Variants in PAK2 observed in about 807,000 individuals in gnomAD.
The protein encoded by PAK2 is p21 (RAC1) activated kinase 2.
PAK2 carries 21 observed loss-of-function variants against 65.9 expected under a neutral mutation model. That is an observed-to-expected ratio of 0.32 (90% CI 0.23 to 0.46). The LOEUF (loss-of-function observed/expected upper bound fraction) is 0.46. Among genes scored for constraint, PAK2 ranks in the 20% least tolerant of loss-of-function variants. The probability of loss-of-function intolerance (pLI) is 1.00; values close to 1 mark genes in which losing one functional copy is unlikely to be tolerated. For synonymous variants in PAK2, 204 were observed against 219.7 expected, an observed-to-expected ratio of 0.93 and a Z score of 0.63; for missense variants, 324 against 642.6, an observed-to-expected ratio of 0.50 and a Z score of 5.36.
At chr3:196,814,939 G>A (rs974622583) in intron 11 of PAK2, among the ~76,000 whole-genome samples, 2 of 151,924 alleles carry the variant, frequency 1.3e-5, no homozygotes, top group African/African-American at 4.8e-5. Flanking sequence ...CAGCACTTTG[G>A]GAGGCCGAGG....
chr3:196,765,576 G>A (rs1039215590), intron 1 of PAK2, among the ~76,000 whole-genome samples: 1 of 152,110 alleles, frequency 6.6e-6, no homozygotes, highest in Admixed American at 6.6e-5. Context: ...CAATGTAGAA[G>A]GTGTAAAATG....
chr3:196,758,108 C>T (rs1248884042), intron 1 of PAK2, among the ~76,000 whole-genome samples: 2 of 152,202 alleles, frequency 1.3e-5, no homozygotes, highest in East Asian at 3.8e-4. Flanking sequence ...AATGACTCAT[C>T]ACCTACTCTG....
chr3:196,776,934 A>G (rs984610781), intron 1 of PAK2, among the ~76,000 whole-genome samples: 2 of 152,222 alleles, frequency 1.3e-5, no homozygotes, highest in African/African-American at 4.8e-5. Flanking sequence ...CTCCGTTTTC[A>G]GGTGGGTATC....
At chr3:196,755,822 C>G (rs946544737) in intron 1 of PAK2, among the ~76,000 whole-genome samples, 3 of 151,772 alleles carry the variant, frequency 2.0e-5, no homozygotes, top group African/African-American at 4.8e-5. Context: ...GCGGCATGAT[C>G]TTGGCTCACT....
intron 1 of PAK2, among the ~76,000 whole-genome samples, chr3:196,754,318 T>G (rs888319241): frequency 1.3e-5 from 2 of 152,212 alleles, no homozygotes; most frequent in Non-Finnish European, 2.9e-5. Context: ...ACTGCCTACT[T>G]ACCATTGAAC....
intron 7 of PAK2, among the ~76,000 whole-genome samples, chr3:196,809,075 C>CA (rs921598933): frequency 5.1e-4 from 71 of 138,252 alleles, no homozygotes; most frequent in African/African-American, 1.4e-3. Context: ...TCCACCCCCT[C>CA]AAAAAAAAAA....
At position 196,791,720 on chromosome 3, in the gene PAK2, C is replaced by T. The variant is rs2108748442; in HGVS notation, c.187+8887C>T. Among the ~76,000 whole-genome samples the T allele has an allele frequency of 6.6e-6, 1 of 151,992 alleles. No homozygotes were observed. Among genetic ancestry groups the T allele is most frequent in the East Asian group, 1.9e-4 (1 of 5,172 alleles). On this transcript the variant is annotated intron_variant, in intron 2 of 14. Transcript: ENST00000327134. This position sits in a 1 kb window ranked among gnomAD's most constrained non-coding sequence, Gnocchi z 4.0. ...CAGGTGGATCACGAGGTCAGGAGAT[C>T]AAGACCATCCTGGCTAACAAGGTGA...
chr3:196,821,642 C>T (rs972413103), intron 13 of PAK2, among the ~76,000 whole-genome samples: 2 of 150,774 alleles, frequency 1.3e-5, no homozygotes, highest in East Asian at 2.0e-4. Flanking sequence ...GAGATCATGC[C>T]ATCGCACTCC....
rs1714355539 is a variant in PAK2, at chr3:196,771,397, G to A, written c.-21-11229G>A. On this transcript the variant is annotated intron_variant, in intron 1 of 14. Transcript: ENST00000327134. ...GTAGATAATTTTCTATCCTGCTTTT[G>A]ATTCATTAGACTTCTACTTACAGAT... Among the ~76,000 whole-genome samples, 3 of 151,856 alleles carry A rather than the reference G, an allele frequency of 2.0e-5. No homozygotes were observed. The South Asian group carries it at 6.2e-4, about 32-fold the overall frequency.
At position 196,827,325 on chromosome 3, in the gene PAK2, T is replaced by G; in HGVS notation, c.1480T>G (p.Leu494Val). 6.2e-7 allele frequency: 1 copy of G among 1,600,504 alleles called. No homozygotes were observed. Among genetic ancestry groups the G allele is most frequent in the Non-Finnish European group, 8.5e-7 (1 of 1,176,394 alleles). The change falls in exon 14 of 15, where the codon TTA becomes GTA. Residue 494 changes from leucine to valine, a missense_variant. By Grantham distance (32) the Leu-to-Val change is conservative (BLOSUM62 1). Coordinates refer to ENST00000327134, the MANE Select transcript of PAK2 (RefSeq NM_002577.4). ...DVEKRGSAKELLQHPFLKLAK... is the reference protein window; with the variant it reads ...DVEKRGSAKEVLQHPFLKLAK... Reference sequence around the variant, plus strand: ...GGAAAAAAGGGGTTCAGCCAAAGAATTATTACAGGTAAATTTAAAAATGAT... The same window carrying G: ...GGAAAAAAGGGGTTCAGCCAAAGAAGTATTACAGGTAAATTTAAAAATGAT...
At chr3:196,742,722 G>C (rs952452206) in intron 1 of PAK2, among the ~76,000 whole-genome samples, 2 of 152,104 alleles carry the variant, frequency 1.3e-5, no homozygotes, top group African/African-American at 4.8e-5. Flanking sequence ...AGACCATCCT[G>C]GCTAACACAG....
intron 2 of PAK2, among the ~76,000 whole-genome samples, chr3:196,790,573 T>C (rs555502722): frequency 6.6e-6 from 1 of 152,140 alleles, no homozygotes; most frequent in Non-Finnish European, 1.5e-5. Context: ...ATGAACAGAT[T>C]TCAGATTTCT....
intron 1 of PAK2, among the ~76,000 whole-genome samples, chr3:196,742,104 T>TC (rs1221322421): frequency 4.7e-5 from 7 of 149,904 alleles, no homozygotes; most frequent in Middle Eastern, 3.4e-3. Flanking sequence ...TATTTCTTTT[T>TC]TTTTTTTTTT....
rs374125329 is a variant in PAK2 at position 196,816,689 on chromosome 3, T to C, written c.1054-1368T>C. On this transcript the variant is annotated intron_variant, in intron 11 of 14. Transcript: ENST00000327134. ...ATAGTAGAAGATTTTGGATGAGATT[T>C]TTAGTTGTACAGACTTTGTTCTCCT... is the stretch of plus-strand genomic sequence containing the variant. Among the ~76,000 whole-genome samples, 10 of 152,174 alleles carry C rather than the reference T, an allele frequency of 6.6e-5. No individual in the cohort carries two copies. In the East Asian group the frequency reaches 7.7e-4, roughly 12 times the overall value.
At chr3:196,790,479 AT>A (rs1715031007) in intron 2 of PAK2, among the ~76,000 whole-genome samples, 1 of 152,194 alleles carries the variant, frequency 6.6e-6, no homozygotes, top group African/African-American at 2.4e-5. Context: ...CCATCAAGTG[AT>A]CTGGTTGCCT....
intron 1 of PAK2, among the ~76,000 whole-genome samples, chr3:196,743,404 G>GATA (rs550087340): frequency 2.4e-4 from 36 of 152,230 alleles, no homozygotes; most frequent in African/African-American, 8.4e-4. Context: ...GTAAGATGGG[G>GATA]ATAATAATAA....
At chr3:196,769,817 AAAAAAGAAAAAG>A (rs371313478) in intron 1 of PAK2, among the ~76,000 whole-genome samples, 33 of 48,182 alleles carry the variant, frequency 6.8e-4, no homozygotes, top group Non-Finnish European at 1.7e-3. Flanking sequence ...ACTCTGTCTC[AAAAAAGAAAAAG>A]AAAAAGAAAA....
chr3:196,751,667 T>TATATGTATATATATATATATATATA (rs1560089766), intron 1 of PAK2, among the ~76,000 whole-genome samples: 1 of 45,108 alleles, frequency 2.2e-5, no homozygotes, highest in African/African-American at 1.0e-4. Context: ...ACAAATTTAT[T>TATATGTATATATATATATATATATA]TATATACATA....
chr3:196,768,563 A>G (rs1200451025), intron 1 of PAK2, among the ~76,000 whole-genome samples: 1 of 151,974 alleles, frequency 6.6e-6, no homozygotes, highest in African/African-American at 2.4e-5. Flanking sequence ...GCTGGAGTGC[A>G]GTGGCAACCC....
Sources: allele counts gnomAD v4.1 joint callset (sites outside exome capture counted in the v4.1 genomes callset), GRCh38; gene constraint gnomAD v4.1.1; non-coding constraint Gnocchi (gnomAD v3.1); transcripts MANE v1.5; gene names NCBI Gene and HGNC (gene_info 2026-07-23, HGNC 2026-07-21).